The following KCNC2 variants were observed in gnomAD, a reference collection of about 807,000 sequenced individuals.
The protein encoded by KCNC2 is voltage-gated potassium channel KCNC2.
Under a neutral mutation model 44.5 loss-of-function variants are expected in KCNC2, and 21 were observed. The ratio of observed to expected loss-of-function variants is 0.47; its 90% CI spans 0.33 to 0.68. The LOEUF is 0.68. Ranked by LOEUF, KCNC2 falls within the 30% of genes least tolerant of loss-of-function variation. The pLI is 0.01. For missense variants in KCNC2, 589 were observed against 826.2 expected (o/e 0.71, Z 3.52); for synonymous variants, 391 against 339.1 (o/e 1.15, Z -1.68).
chr12:75,164,281 C>G (rs1891308456), intron 2 of KCNC2, among the ~76,000 whole-genome samples: 1 of 151,604 alleles, frequency 6.6e-6, no homozygotes, highest in African/African-American at 2.4e-5. Context: ...ACTCTGCCAG[C>G]CTAACACACC....
chr12:75,196,756 C>G (rs1216480088), intron 2 of KCNC2, among the ~76,000 whole-genome samples: 3 of 152,022 alleles, frequency 2.0e-5, no homozygotes, highest in Admixed American at 6.6e-5. Context: ...CAGAAGTCAG[C>G]CAGTTAGTTA....
chr12:75,053,545 T>C (rs1881417442), intron 2 of KCNC2, among the ~76,000 whole-genome samples: 1 of 152,026 alleles, frequency 6.6e-6, no homozygotes, highest in Non-Finnish European at 1.5e-5. Context: ...TGTTTGGCAC[T>C]TGTATTTATC....
At chr12:75,128,450 T>C (rs1888592889) in intron 2 of KCNC2, among the ~76,000 whole-genome samples, 1 of 152,176 alleles carries the variant, frequency 6.6e-6, no homozygotes, top group Non-Finnish European at 1.5e-5. Flanking sequence ...ATTAAAGTCA[T>C]AGTTTTAACT....
intron 2 of KCNC2, among the ~76,000 whole-genome samples, chr12:75,057,144 A>G (rs1369882553): frequency 6.6e-6 from 1 of 152,018 alleles, no homozygotes; most frequent in Non-Finnish European, 1.5e-5. Context: ...ATTATTCTGA[A>G]TGACCATTAA....
intron 2 of KCNC2, among the ~76,000 whole-genome samples, chr12:75,158,977 G>T (rs1028440446): frequency 6.6e-6 from 1 of 151,756 alleles, no homozygotes; most frequent in Non-Finnish European, 1.5e-5. Flanking sequence ...CCCTTGGTAG[G>T]GGTAGAAGGA....
intron 2 of KCNC2, among the ~76,000 whole-genome samples, chr12:75,193,393 C>T (rs959467024): frequency 3.3e-5 from 5 of 151,992 alleles, no homozygotes; most frequent in Non-Finnish European, 7.4e-5. Flanking sequence ...CAAGGAAATC[C>T]GGAGGAGCCT....
At chr12:75,205,891 G>A (rs1198862350) in intron 2 of KCNC2, among the ~76,000 whole-genome samples, 1 of 138,068 alleles carries the variant, frequency 7.2e-6, no homozygotes, top group African/African-American at 2.7e-5. Context: ...TTTATGGCAT[G>A]GCCTGAAAAA....
chr12:75,186,250 G>A (rs1892939554), intron 2 of KCNC2, among the ~76,000 whole-genome samples: 1 of 151,900 alleles, frequency 6.6e-6, no homozygotes, highest in African/African-American at 2.4e-5. Context: ...GCATTTTGAA[G>A]AAATACACAG....
intron 2 of KCNC2, among the ~76,000 whole-genome samples, chr12:75,181,154 G>C (rs939882946): frequency 5.9e-5 from 9 of 151,964 alleles, no homozygotes; most frequent in Non-Finnish European, 1.2e-4. Flanking sequence ...AAAACTAAAA[G>C]ATCAATTCAT....
chr12:75,202,769 A>C (rs547863297), intron 2 of KCNC2, among the ~76,000 whole-genome samples: 2 of 150,100 alleles, frequency 1.3e-5, no homozygotes, highest in South Asian at 4.2e-4. Context: ...ATTTTACTGC[A>C]TGTGTCAGGC....
chr12:75,207,942 G>A lies in KCNC2; in HGVS notation c.42C>T (p.Val14=). 6.2e-7 allele frequency: 1 copy of A among 1,612,720 alleles called. No homozygotes were observed. The highest frequency in any genetic ancestry group is 1.1e-5 in the South Asian group (1 of 91,020). The change falls in exon 2 of 5, where the codon GTC becomes GTT. Residue 14 remains valine, a synonymous_variant. Transcript: ENST00000549446. This position sits in a 1 kb window ranked among gnomAD's most constrained non-coding sequence, Gnocchi z 4.1. ...IENNERVILN[V]GGTRHETYRS... ...GGTAGGTTTCGTGCCGGGTGCCCCC[G>A]ACATTGAGGATCACCCTCTCGTTGT...
intron 2 of KCNC2, among the ~76,000 whole-genome samples, chr12:75,182,657 T>C (rs575542839): frequency 1.3e-5 from 2 of 152,302 alleles, no homozygotes; most frequent in South Asian, 2.1e-4. Context: ...CTGAATTTTT[T>C]AGATTTTTAG....
chr12:75,125,622 G>T (rs753452933), intron 2 of KCNC2, among the ~76,000 whole-genome samples: 1 of 152,104 alleles, frequency 6.6e-6, no homozygotes, highest in Non-Finnish European at 1.5e-5. Context: ...GAGACATTGC[G>T]CTATGCCTTC....
chr12:75,141,628 T>C (rs1889659573), intron 2 of KCNC2, among the ~76,000 whole-genome samples: 1 of 152,164 alleles, frequency 6.6e-6, no homozygotes, highest in African/African-American at 2.4e-5. Flanking sequence ...TTTATCAAAA[T>C]CATTCAGAAT....
At chr12:75,201,876 T>C (rs988781932) in intron 2 of KCNC2, among the ~76,000 whole-genome samples, 1 of 151,986 alleles carries the variant, frequency 6.6e-6, no homozygotes, top group African/African-American at 2.4e-5. Context: ...TTTTCCACTA[T>C]ATATTTTCTT....
At chr12:75,102,579 C>T (rs570720093) in intron 2 of KCNC2, among the ~76,000 whole-genome samples, 2 of 152,090 alleles carry the variant, frequency 1.3e-5, no homozygotes, top group South Asian at 2.1e-4. Context: ...ATATTTATTG[C>T]CAATGGCCAA....
intron 2 of KCNC2, among the ~76,000 whole-genome samples, chr12:75,141,302 C>T (rs929226467): frequency 6.6e-6 from 1 of 151,992 alleles, no homozygotes; most frequent in South Asian, 2.1e-4. Flanking sequence ...TGTGATTAAC[C>T]GGAGAAAACT....
intron 2 of KCNC2, among the ~76,000 whole-genome samples, chr12:75,051,840 A>G (rs1881209215): frequency 6.6e-6 from 1 of 152,092 alleles, no homozygotes; most frequent in African/African-American, 2.4e-5. Context: ...ATGAAAAAAA[A>G]TCTTTGCAAT....
intron 2 of KCNC2, among the ~76,000 whole-genome samples, chr12:75,201,299 C>G (rs73357312): frequency 5.9e-5 from 4 of 68,216 alleles, no homozygotes; most frequent in Admixed American, 4.9e-4. Flanking sequence ...AAAAAAAAAA[C>G]CAGATTCTGG....
Sources: allele counts gnomAD v4.1 joint callset (sites outside exome capture counted in the v4.1 genomes callset), GRCh38; gene constraint gnomAD v4.1.1; non-coding constraint Gnocchi (gnomAD v3.1); transcripts MANE v1.5; gene names NCBI Gene and HGNC (gene_info 2026-07-23, HGNC 2026-07-21).